Variants in CDH18 observed in about 807,000 individuals in gnomAD.
The protein encoded by CDH18 is cadherin 18.
CDH18 carries 31 observed loss-of-function variants against 67.9 expected under a neutral mutation model. The ratio of observed to expected loss-of-function variants is 0.46; its 90% CI spans 0.34 to 0.62. The LOEUF (loss-of-function observed/expected upper bound fraction) is 0.62, where lower values mean the gene tolerates loss of function less well. CDH18 is among the 20% of genes least tolerant of loss of function. CDH18 has a pLI of 0.01. For missense variants in CDH18, 890 were observed against 975.5 expected (o/e 0.91, Z 1.17); for synonymous variants, 362 against 347.2 (o/e 1.04, Z -0.48).
intron 1 of CDH18, among the ~76,000 whole-genome samples, chr5:20,438,253 T>C (rs897993174): frequency 1.4e-5 from 2 of 147,976 alleles, no homozygotes; most frequent in African/African-American, 4.9e-5. Flanking sequence ...TATATATATA[T>C]GTATGTATAT....
At chr5:20,299,744 C>CGA (rs1747815532) in intron 1 of CDH18, among the ~76,000 whole-genome samples, 1 of 98,736 alleles carries the variant, frequency 1.0e-5, no homozygotes. Flanking sequence ...GGTGACAGAG[C>CGA]AAGGCTCTGT....
chr5:20,362,948 A>G (rs1233815904), intron 1 of CDH18, among the ~76,000 whole-genome samples: 2 of 152,188 alleles, frequency 1.3e-5, no homozygotes, highest in Non-Finnish European at 2.9e-5. Flanking sequence ...TTGTCATACT[A>G]GACCATGGAG....
At chr5:19,977,674 A>T (rs1386496752) in intron 2 of CDH18, among the ~76,000 whole-genome samples, 2 of 151,578 alleles carry the variant, frequency 1.3e-5, no homozygotes, top group East Asian at 3.9e-4. Context: ...AATTTAATTA[A>T]TTTGCCTTAA....
intron 3 of CDH18, among the ~76,000 whole-genome samples, chr5:19,833,914 T>TCC (rs139443058): frequency 6.6e-6 from 1 of 151,648 alleles, no homozygotes; most frequent in Non-Finnish European, 1.5e-5. Context: ...GCTGCTGGAT[T>TCC]GTTTCTCAGT....
chr5:20,236,972 A>G (rs1742520912), intron 2 of CDH18, among the ~76,000 whole-genome samples: 1 of 152,060 alleles, frequency 6.6e-6, no homozygotes, highest in East Asian at 1.9e-4. Flanking sequence ...AAAGAAAAGA[A>G]AAGACAGTGC....
At chr5:19,822,972 G>A (rs541319581) in intron 3 of CDH18, among the ~76,000 whole-genome samples, 1 of 152,136 alleles carries the variant, frequency 6.6e-6, no homozygotes, top group Non-Finnish European at 1.5e-5. Context: ...CCCACCCTCA[G>A]GGACGCATTC....
At chr5:20,015,179 C>G (rs1047732842) in intron 2 of CDH18, among the ~76,000 whole-genome samples, 3 of 152,142 alleles carry the variant, frequency 2.0e-5, no homozygotes, top group Non-Finnish European at 4.4e-5. Context: ...GAAACAGACA[C>G]ATGGCCTATT....
chr5:19,881,813 C>T (rs1396634284), intron 2 of CDH18, among the ~76,000 whole-genome samples: 1 of 151,998 alleles, frequency 6.6e-6, no homozygotes. Flanking sequence ...GCCTCAAATG[C>T]CTTTTGAATT....
chr5:19,722,036 T>C (rs368912874), intron 4 of CDH18, among the ~76,000 whole-genome samples: 13 of 152,120 alleles, frequency 8.5e-5, no homozygotes, highest in African/African-American at 2.7e-4. Context: ...CTCCTTTTTT[T>C]GTCCATTTGT....
chr5:20,205,844 G>A (rs1739837120), intron 2 of CDH18, among the ~76,000 whole-genome samples: 1 of 151,642 alleles, frequency 6.6e-6, no homozygotes, highest in Admixed American at 6.6e-5. Context: ...ATGGGATATG[G>A]CAAAAGCAGT....
At chr5:20,481,393 A>C (rs1377259402) in intron 1 of CDH18, among the ~76,000 whole-genome samples, 1 of 152,110 alleles carries the variant, frequency 6.6e-6, no homozygotes, top group East Asian at 1.9e-4. Flanking sequence ...CATTTTTAGC[A>C]ATAGGATTGA....
At position 20,242,620 on chromosome 5, in the gene CDH18, A is replaced by ATATATATACATG. The variant is rs1743044375; in HGVS notation, c.-518+12823_-518+12824insCATGTATATATA. Among the ~76,000 whole-genome samples the ATATATATACATG allele has an allele frequency of 3.9e-4, 27 of 68,872 alleles. No individual in the cohort carries two copies. In the South Asian group the frequency reaches 8.9e-3, roughly 23 times the overall value. 45.2% of individuals were successfully genotyped at this position (68,872 alleles called of 152,430 possible). A position where few individuals can be genotyped will look rare whatever the true frequency, so the allele number is the denominator to read the frequency against. ...GGAAAAAAAAAAAAAAAATATATAT[A>ATATATATACATG]TATATATATATATGTATATATATAT... On this transcript the variant is annotated intron_variant, in intron 2 of 14. Coordinates refer to the CDH18 transcript ENST00000507958.
At chr5:19,850,290 T>C (rs1783539081) in intron 2 of CDH18, among the ~76,000 whole-genome samples, 1 of 151,938 alleles carries the variant, frequency 6.6e-6, no homozygotes, top group Admixed American at 6.6e-5. Context: ...TCGTAAAATG[T>C]AAAGATAAAA....
rs1373911280 is a variant in CDH18 at position 20,056,290 on chromosome 5, C to G, written c.-517-64276G>C. ...TAGTGCTGGGATTACAGGCATGAGC[C>G]ACCACACGCAGCCAAGTCCTTTTGA... On this transcript the variant is annotated intron_variant, in intron 2 of 14. Coordinates refer to the CDH18 transcript ENST00000507958. 1.3e-5 allele frequency among the ~76,000 whole-genome samples: 2 copies of G among 148,764 alleles called. 1 individual carries two copies. Among genetic ancestry groups the G allele is most frequent in the African/African-American group, 4.9e-5 (2 of 40,772 alleles).
At chr5:20,256,906 A>T (rs1744274675) in intron 1 of CDH18, among the ~76,000 whole-genome samples, 1 of 146,372 alleles carries the variant, frequency 6.8e-6, no homozygotes, top group Admixed American at 6.8e-5. Flanking sequence ...GTACTAAGAG[A>T]AAAACGAGAT....
chr5:19,899,734 A>AGT (rs1397597910), intron 2 of CDH18, among the ~76,000 whole-genome samples: 3 of 151,148 alleles, frequency 2.0e-5, no homozygotes, highest in East Asian at 3.9e-4. Context: ...AAGAAAATGT[A>AGT]GTATATATAT....
At chr5:20,254,259 C>T (rs907792889) in intron 2 of CDH18, among the ~76,000 whole-genome samples, 2 of 152,054 alleles carry the variant, frequency 1.3e-5, no homozygotes, top group Admixed American at 6.5e-5. Context: ...ATTACAGGCA[C>T]GTGCCACCAC....
chr5:20,387,439 G>T (rs566581026), intron 1 of CDH18, among the ~76,000 whole-genome samples: 1 of 152,282 alleles, frequency 6.6e-6, no homozygotes, highest in African/African-American at 2.4e-5. Flanking sequence ...ACTTTGTGAA[G>T]TTCCCTATCA....
At chr5:20,131,245 C>T (rs1207404092) in intron 2 of CDH18, among the ~76,000 whole-genome samples, 1 of 151,878 alleles carries the variant, frequency 6.6e-6, no homozygotes, top group Non-Finnish European at 1.5e-5. Context: ...GTAAATATTG[C>T]TCTGAATATT....
Sources: allele counts gnomAD v4.1 joint callset (sites outside exome capture counted in the v4.1 genomes callset), GRCh38; gene constraint gnomAD v4.1.1; transcripts MANE v1.5; gene names NCBI Gene and HGNC (gene_info 2026-07-23, HGNC 2026-07-21).